The following CDKL3 variants were observed in gnomAD, a reference collection of about 807,000 sequenced individuals.
CDKL3 encodes the protein cyclin dependent kinase like 3.
In CDKL3, 65 loss-of-function variants were observed where a neutral mutation model predicts 69.3. The ratio of observed to expected loss-of-function variants is 0.94; its 90% CI spans 0.77 to 1.15. The LOEUF is 1.15. Among genes scored for constraint, CDKL3 ranks in the 50% most tolerant of loss-of-function variants. The probability of loss-of-function intolerance (pLI) is 0.00; values close to 1 mark genes in which losing one functional copy is unlikely to be tolerated. For synonymous variants in CDKL3, 202 were observed against 221.6 expected (o/e 0.91, Z 0.79); for missense variants, 652 against 689.2 (o/e 0.95, Z 0.61).
At chr5:134,367,218 G>A (rs1757660411), upstream of CDKL3, 5 of 985,690 alleles carry the variant, frequency 5.1e-6, no homozygotes, top group Middle Eastern at 5.2e-4. Context: ...CGACCCGGAA[G>A]GGGAAGTGGG....
At chr5:134,289,265 G>A (rs326615) in intron 8 of CDKL3, among the ~76,000 whole-genome samples, 30,705 of 151,142 alleles carry the variant, frequency 0.2, 5,003 homozygotes, top group African/African-American at 0.45. Flanking sequence ...CACATTTTCT[G>A]TTTGAAGAAT....
chr5:134,337,523 A>G (rs374811818), intron 4 of CDKL3, among the ~76,000 whole-genome samples: 1 of 152,116 alleles, frequency 6.6e-6, no homozygotes, highest in African/African-American at 2.4e-5. Flanking sequence ...AAAACAAGTT[A>G]TCCATTTGTA....
intron 2 of CDKL3, among the ~76,000 whole-genome samples, chr5:134,365,418 C>T (rs1581270620): frequency 1.3e-5 from 2 of 152,142 alleles, no homozygotes; most frequent in East Asian, 3.9e-4. Flanking sequence ...CCGCACCCGG[C>T]CTCATGTCTT....
intron 3 of CDKL3, among the ~76,000 whole-genome samples, chr5:134,358,224 T>C (rs566897994): frequency 6.6e-6 from 1 of 152,242 alleles, no homozygotes; most frequent in Non-Finnish European, 1.5e-5. Flanking sequence ...CCTCTATCTG[T>C]TGTTCCCTGT....
intron 3 of CDKL3, among the ~76,000 whole-genome samples, chr5:134,351,712 A>G (rs534989204): frequency 1.1e-3 from 167 of 152,248 alleles, no homozygotes; most frequent in Middle Eastern, 3.4e-3. Flanking sequence ...TTCCCACCTC[A>G]GCCTTCCAAA....
intron 3 of CDKL3, among the ~76,000 whole-genome samples, chr5:134,355,235 GAAA>G (rs60153337): frequency 1.3e-5 from 1 of 74,428 alleles, no homozygotes; most frequent in Admixed American, 1.5e-4. Flanking sequence ...TCTGTCTCAG[GAAA>G]AAAAAAAAAA....
intron 4 of CDKL3, among the ~76,000 whole-genome samples, chr5:134,344,342 G>A (rs1751276882): frequency 6.6e-6 from 1 of 152,012 alleles, no homozygotes; most frequent in Non-Finnish European, 1.5e-5. Context: ...ACAGAATCAA[G>A]AAAGTGAAGA....
intron 4 of CDKL3, among the ~76,000 whole-genome samples, chr5:134,337,715 GA>G (rs892235230): frequency 1.7e-4 from 26 of 152,128 alleles, no homozygotes; most frequent in African/African-American, 6.0e-4. Context: ...AAAAAATTGG[GA>G]AAATAAAGAA....
chr5:134,298,304 G>T (rs1765497476), downstream of CDKL3: 2 of 1,026,416 alleles, frequency 1.9e-6, no homozygotes, highest in South Asian at 8.6e-5. Flanking sequence ...GTGTGTTATA[G>T]GAGATAACTG....
At chr5:134,303,126 C>G (rs1404904448) in intron 11 of CDKL3, among the ~76,000 whole-genome samples, 1 of 151,220 alleles carries the variant, frequency 6.6e-6, no homozygotes, top group African/African-American at 2.4e-5. Context: ...GAGTCTCACT[C>G]TGTCACCCAG....
chr5:134,362,883 G>GT (rs1561653557), intron 2 of CDKL3, among the ~76,000 whole-genome samples: 1 of 152,168 alleles, frequency 6.6e-6, no homozygotes, highest in African/African-American at 2.4e-5. Context: ...AGCCAGGATC[G>GT]TGCCACTGCA....
chr5:134,293,980 C>T (rs565096746), downstream of CDKL3, among the ~76,000 whole-genome samples: 130 of 151,392 alleles, frequency 8.6e-4, no homozygotes, highest in Non-Finnish European at 1.5e-3. Flanking sequence ...GGGCATGGGG[C>T]ACATGGCTGC....
chr5:134,367,201 A>C, upstream of CDKL3: 1 of 985,754 alleles, frequency 1.0e-6, no homozygotes, highest in Non-Finnish European at 1.2e-6. Flanking sequence ...GAACATGGGC[A>C]GGGTCCCGAC....
chr5:134,320,161 G>A (rs1772334185), intron 5 of CDKL3, among the ~76,000 whole-genome samples: 1 of 152,156 alleles, frequency 6.6e-6, no homozygotes, highest in Non-Finnish European at 1.5e-5. Flanking sequence ...AATGTGAGGT[G>A]TCTTAAGGCT....
At chr5:134,309,790 C>T (rs964759524) in intron 7 of CDKL3, among the ~76,000 whole-genome samples, 3 of 152,134 alleles carry the variant, frequency 2.0e-5, no homozygotes, top group African/African-American at 4.8e-5. Flanking sequence ...AAATAAACTT[C>T]GTCTGTGTAG....
chr5:134,292,155 C>G (rs772927465), intron 8 of CDKL3, among the ~76,000 whole-genome samples: 15 of 152,124 alleles, frequency 9.9e-5, no homozygotes, highest in Admixed American at 2.0e-4. Context: ...ATGCTACACC[C>G]ATTTTCAGCA....
intron 4 of CDKL3, among the ~76,000 whole-genome samples, chr5:134,325,722 A>T (rs953165422): frequency 3.3e-5 from 5 of 151,550 alleles, no homozygotes; most frequent in East Asian, 1.9e-4. Flanking sequence ...TTTTGCATTT[A>T]AAAAAAACTC....
chr5:134,307,091 T>C (rs1331248418), intron 9 of CDKL3, among the ~76,000 whole-genome samples: 1 of 152,154 alleles, frequency 6.6e-6, no homozygotes, highest in Non-Finnish European at 1.5e-5. Context: ...ATGAATAAAT[T>C]ATGGCTTGGA....
At chr5:134,335,253 T>G (rs1208081636) in intron 4 of CDKL3, among the ~76,000 whole-genome samples, 4 of 151,976 alleles carry the variant, frequency 2.6e-5, no homozygotes, top group Non-Finnish European at 5.9e-5. Flanking sequence ...TACAGCACAC[T>G]GATGGGTCTT....
Sources: allele counts gnomAD v4.1 joint callset (sites outside exome capture counted in the v4.1 genomes callset), GRCh38; gene constraint gnomAD v4.1.1; transcripts MANE v1.5; gene names NCBI Gene and HGNC (gene_info 2026-07-23, HGNC 2026-07-21).